ANKRD6: variants seen among roughly 807,000 people sequenced by gnomAD.
ANKRD6 encodes ankyrin repeat domain-containing protein 6.
In ANKRD6, 56 loss-of-function variants were observed where a neutral mutation model predicts 82.3. The observed-to-expected ratio is 0.68, with a 90% CI of 0.55 to 0.85. The LOEUF (loss-of-function observed/expected upper bound fraction) is 0.85. ANKRD6 is among the 40% of genes least tolerant of loss of function. The pLI is 0.00. For synonymous variants in ANKRD6, 347 were observed against 352.1 expected, an observed-to-expected ratio of 0.99 and a Z score of 0.16; for missense variants, 852 against 907.6, an observed-to-expected ratio of 0.94 and a Z score of 0.79.
At chr6:89,465,200 A>G (rs992099516) in intron 1 of ANKRD6, among the ~76,000 whole-genome samples, 7 of 151,132 alleles carry the variant, frequency 4.6e-5, no homozygotes, top group Non-Finnish European at 7.4e-5. Flanking sequence ...GCTCACAGCA[A>G]CCTCTGCCTC....
intron 3 of ANKRD6, among the ~76,000 whole-genome samples, chr6:89,600,512 G>A (rs1411327052): frequency 6.6e-6 from 1 of 152,142 alleles, no homozygotes; most frequent in African/African-American, 2.4e-5. Context: ...GAGCACTAGA[G>A]TGTAAGTAGT....
intron 1 of ANKRD6, among the ~76,000 whole-genome samples, chr6:89,496,982 A>C (rs1778703284): frequency 6.6e-6 from 1 of 152,174 alleles, no homozygotes; most frequent in Non-Finnish European, 1.5e-5. Flanking sequence ...TTCTACCCCA[A>C]ACAGAATGTC....
rs767126630 is a variant in ANKRD6, at chr6:89,567,075, C to T, written c.99C>T (p.Gly33=). 42 of 1,602,754 alleles carry T rather than the reference C, an allele frequency of 2.6e-5. No homozygotes were observed. The highest frequency in any genetic ancestry group is 2.3e-4 in the South Asian group (20 of 88,716). Residue 33 remains glycine, a synonymous_variant, in exon 2 of 16, where the codon GGC becomes GGT. Coordinates refer to ENST00000339746, the MANE Select transcript of ANKRD6 (RefSeq NM_001242809.2). ...TENVVQLINK[G]ARVAVTKHGR... ...ATGTGGTTCAGCTCATCAACAAGGGCGCCAGGGTAGCGGTTACCAAGGTAA... is the reference window on the plus strand; with the variant it reads ...ATGTGGTTCAGCTCATCAACAAGGGTGCCAGGGTAGCGGTTACCAAGGTAA...
At chr6:89,537,625 A>G (rs1221884166) in intron 1 of ANKRD6, among the ~76,000 whole-genome samples, 4 of 151,746 alleles carry the variant, frequency 2.6e-5, no homozygotes, top group Non-Finnish European at 5.9e-5. Flanking sequence ...AATTTTAAAC[A>G]CATATAGAAG....
intron 3 of ANKRD6, among the ~76,000 whole-genome samples, chr6:89,596,787 A>G (rs1249361965): frequency 2.0e-5 from 3 of 152,214 alleles, no homozygotes; most frequent in African/African-American, 7.2e-5. Context: ...GACCATATAA[A>G]TTGTCCTCCA....
At chr6:89,473,989 A>G (rs1045983045) in intron 1 of ANKRD6, among the ~76,000 whole-genome samples, 1 of 152,190 alleles carries the variant, frequency 6.6e-6, no homozygotes, top group African/African-American at 2.4e-5. Context: ...TCAAAACAAA[A>G]CAAAACAAAA....
At chr6:89,479,604 TA>T (rs1413940587) in intron 1 of ANKRD6, among the ~76,000 whole-genome samples, 9 of 147,880 alleles carry the variant, frequency 6.1e-5, no homozygotes, top group African/African-American at 2.2e-4. Flanking sequence ...TTTTTATTTT[TA>T]TTTATTTATT....
chr6:89,540,813 A>G (rs1299590381), intron 1 of ANKRD6, among the ~76,000 whole-genome samples: 1 of 152,226 alleles, frequency 6.6e-6, no homozygotes, highest in Non-Finnish European at 1.5e-5. Context: ...ATATGGCAAG[A>G]GATGGGGTCT....
At chr6:89,525,643 A>G (rs138679863) in intron 1 of ANKRD6, among the ~76,000 whole-genome samples, 1,972 of 152,342 alleles carry the variant, frequency 0.013, 30 homozygotes, top group Middle Eastern at 0.017. Flanking sequence ...GGCCTGTATC[A>G]TAGAATAGAG....
At chr6:89,550,163 C>G (rs192627959) in intron 1 of ANKRD6, among the ~76,000 whole-genome samples, 2 of 152,172 alleles carry the variant, frequency 1.3e-5, no homozygotes, top group Admixed American at 6.5e-5. Flanking sequence ...CCTAGTAATT[C>G]TGCTGTTAGG....
At chr6:89,586,703 A>G (rs1793766162) in intron 2 of ANKRD6, among the ~76,000 whole-genome samples, 1 of 151,856 alleles carries the variant, frequency 6.6e-6, no homozygotes, top group Non-Finnish European at 1.5e-5. Flanking sequence ...AAAAAAGAAA[A>G]TGTAGTCTGG....
rs191236141 is a variant in ANKRD6 at position 89,503,849 on chromosome 6, C to T, written c.-143-62985C>T. Among the ~76,000 whole-genome samples the T allele has an allele frequency of 3.1e-3, 477 of 152,066 alleles. 4 individuals are homozygous for T. The highest frequency in any genetic ancestry group is 0.011 in the African/African-American group (457 of 41,486). ...CTTGTAGAGGGACCATAGTGCAAGG[C>T]CTTGAGGCAGGGGTGTGCCTGGTGT... is the stretch of plus-strand genomic sequence containing the variant. On this transcript the variant is annotated intron_variant, in intron 1 of 15. Transcript: ENST00000339746.
chr6:89,578,057 C>T (rs1174570906), intron 2 of ANKRD6, among the ~76,000 whole-genome samples: 1 of 152,160 alleles, frequency 6.6e-6, no homozygotes, highest in Admixed American at 6.5e-5. Context: ...GGGTGAGCCC[C>T]CCAGAGTTCT....
At chr6:89,478,559 C>G (rs1291320400) in intron 1 of ANKRD6, 2 of 151,820 alleles carry the variant, frequency 1.3e-5, no homozygotes, top group Non-Finnish European at 2.9e-5. Flanking sequence ...ATGATGAAAC[C>G]CCATCTCTAC....
chr6:89,501,359 G>A (rs1464128584), intron 1 of ANKRD6, among the ~76,000 whole-genome samples: 1 of 152,196 alleles, frequency 6.6e-6, no homozygotes, highest in African/African-American at 2.4e-5. Context: ...CTTGGAGTCA[G>A]TGGAGCTCTG....
chr6:89,612,237 C>T (rs1459331263), intron 5 of ANKRD6, 35 bp from the exon 6 acceptor site: 3 of 1,537,568 alleles, frequency 2.0e-6, no homozygotes, highest in Non-Finnish European at 2.6e-6. Context: ...AAGCATGTTG[C>T]TAATATGTCC....
rs572891765 is a variant in ANKRD6, at chr6:89,511,151, C to G, written c.-143-55683C>G. Among the ~76,000 whole-genome samples, 64 of 152,312 alleles carry G rather than the reference C, an allele frequency of 4.2e-4. 2 individuals carry two copies. The highest frequency in any genetic ancestry group is 6.8e-3 in the Middle Eastern group (2 of 294). ...CATGAAGGGGTACGAGTGGGCCCACCACAGCCCGATTCCTCTTCCTCCGTA... is the reference window on the plus strand; with the variant it reads ...CATGAAGGGGTACGAGTGGGCCCACGACAGCCCGATTCCTCTTCCTCCGTA... On this transcript the variant is annotated intron_variant, in intron 1 of 15. Transcript: ENST00000339746.
intron 2 of ANKRD6, among the ~76,000 whole-genome samples, chr6:89,587,224 C>T (rs547504468): frequency 6.6e-6 from 1 of 151,152 alleles, no homozygotes; most frequent in African/African-American, 2.4e-5. Flanking sequence ...GGTGCAGTGC[C>T]TCACGCCTGT....
chr6:89,562,108 A>AT lies in ANKRD6; in HGVS notation c.-143-4724dup, dbSNP rs142036227. On this transcript the variant is annotated intron_variant, in intron 1 of 15. Coordinates refer to ENST00000339746, the MANE Select transcript of ANKRD6 (RefSeq NM_001242809.2). Reference sequence around the variant, plus strand: ...CTTTCTATGATCTCTCCAGGTGGGAATTAGATTTCTGTTGCTTCAACAAGT... The same window carrying AT: ...CTTTCTATGATCTCTCCAGGTGGGAATTTAGATTTCTGTTGCTTCAACAAGT... Among the ~76,000 whole-genome samples the AT allele has an allele frequency of 2.7e-3, 405 of 152,326 alleles. 6 individuals carry two copies. Among genetic ancestry groups the AT allele is most frequent in the African/African-American group, 9.3e-3 (387 of 41,576 alleles).
Sources: allele counts gnomAD v4.1 joint callset (sites outside exome capture counted in the v4.1 genomes callset), GRCh38; gene constraint gnomAD v4.1.1; transcripts MANE v1.5; gene names NCBI Gene and HGNC (gene_info 2026-07-23, HGNC 2026-07-21).